The following CFAP61 variants were observed in gnomAD, a reference collection of about 807,000 sequenced individuals.
The protein encoded by CFAP61 is cilia and flagella associated protein 61, also known as cilia- and flagella-associated protein 61.
A neutral mutation model predicts 135.6 loss-of-function variants in CFAP61; 107 were observed. That is an observed-to-expected ratio of 0.79 (90% CI 0.67 to 0.93). The LOEUF (loss-of-function observed/expected upper bound fraction) is 0.93. Ranked by LOEUF, CFAP61 falls within the 40% of genes least tolerant of loss-of-function variation. CFAP61 has a pLI of 0.00. For missense variants in CFAP61, 1,507 were observed against 1,556.2 expected (o/e 0.97, Z 0.53); for synonymous variants, 575 against 578.5 (o/e 0.99, Z 0.09).
At chr20:20,232,067 A>G (rs1456259636) in intron 18 of CFAP61, among the ~76,000 whole-genome samples, 2 of 151,792 alleles carry the variant, frequency 1.3e-5, no homozygotes, top group African/African-American at 4.8e-5. Flanking sequence ...AAGCAGAAAG[A>G]GCTTGGCCTC....
At chr20:20,240,201 G>A (rs1344629050) in intron 18 of CFAP61, among the ~76,000 whole-genome samples, 2 of 152,206 alleles carry the variant, frequency 1.3e-5, no homozygotes, top group Non-Finnish European at 2.9e-5. Context: ...AATCACTGTA[G>A]TATAGTACAT....
At chr20:20,057,272 A>G (rs563640080) in intron 2 of CFAP61, among the ~76,000 whole-genome samples, 1 of 152,172 alleles carries the variant, frequency 6.6e-6, no homozygotes. Context: ...GGGAACAACA[A>G]ATTCCTATTT....
In CFAP61 at chr20:20,070,925, A is replaced by C. The variant is rs555640095; in HGVS notation, c.215A>C (p.Asp72Ala). The C allele has an allele frequency of 6.2e-7, 1 of 1,614,120 alleles. No homozygotes were observed. Among genetic ancestry groups the C allele is most frequent in the East Asian group, 2.2e-5 (1 of 44,868 alleles). ...EEIMAQATFL[D>A]YPNWNVAKQD... is the part of the protein sequence containing the mutation. ...ATCATGGCCCAGGCCACCTTCCTGG[A>C]CTACCCCAACTGGAATGTTGCCAAG... The change falls in exon 3 of 27, where the codon GAC (aspartate) becomes GCC (alanine). Residue 72 changes from aspartate to alanine, a missense_variant. Transcript: ENST00000245957.
chr20:20,196,834 G>A (rs2056327277), intron 16 of CFAP61, 58 bp downstream of exon 16: 1 of 1,393,232 alleles, frequency 7.2e-7, no homozygotes, highest in Non-Finnish European at 1.0e-6. Context: ...TGTTGTTGGT[G>A]TTGTACGCCG....
At chr20:20,278,937 G>A (rs1014222094) in intron 22 of CFAP61, among the ~76,000 whole-genome samples, 4 of 152,288 alleles carry the variant, frequency 2.6e-5, no homozygotes, top group African/African-American at 9.6e-5. Flanking sequence ...GACAGGACAA[G>A]TCCACTTTAT....
chr20:20,186,272 A>G (rs1231161254), intron 13 of CFAP61, among the ~76,000 whole-genome samples: 2 of 152,210 alleles, frequency 1.3e-5, no homozygotes, highest in Admixed American at 6.5e-5. Flanking sequence ...GAATTACACA[A>G]CACGTGGCCT....
chr20:20,129,215 T>C (rs2050314953), intron 8 of CFAP61, among the ~76,000 whole-genome samples: 1 of 151,836 alleles, frequency 6.6e-6, no homozygotes, highest in Admixed American at 6.5e-5. Flanking sequence ...TTCTTTCAGA[T>C]TGAAGAACTC....
At chr20:20,118,253 GTTTC>G (rs148875515) in intron 8 of CFAP61, among the ~76,000 whole-genome samples, 11,258 of 138,342 alleles carry the variant, frequency 0.081, 545 homozygotes, top group African/African-American at 0.12. Flanking sequence ...TTTGAGGTAT[GTTTC>G]TTTCTTTCTT....
At chr20:20,252,735 C>T (rs754256845) in intron 20 of CFAP61, among the ~76,000 whole-genome samples, 5 of 152,206 alleles carry the variant, frequency 3.3e-5, no homozygotes, top group Non-Finnish European at 7.3e-5. Flanking sequence ...TTTTCCTTCA[C>T]GTCGCCAAGC....
rs577753941 is a variant in CFAP61, at chr20:20,119,321, A to G, written c.859+20507A>G. On this transcript the variant is annotated intron_variant, in intron 8 of 26. Transcript: ENST00000245957. ...CATTATTGGTTTGTTGAAGTTTTCT[A>G]TTTCTTTGTTGTTCAATCTTGGTAG... is the stretch of plus-strand genomic sequence containing the variant. 3.2e-4 allele frequency among the ~76,000 whole-genome samples: 48 copies of G among 151,998 alleles called. 1 individual carries two copies. Among genetic ancestry groups the G allele is most frequent in the Admixed American group, 2.8e-3 (43 of 15,274 alleles).
chr20:20,337,358 A>G (rs999500619), intron 25 of CFAP61, among the ~76,000 whole-genome samples: 10 of 42,870 alleles, frequency 2.3e-4, no homozygotes, highest in African/African-American at 8.0e-4. Flanking sequence ...GGGTGGGTGG[A>G]TGGATGGATG....
At chr20:20,176,153 A>G (rs1347144173) in intron 13 of CFAP61, among the ~76,000 whole-genome samples, 1 of 151,928 alleles carries the variant, frequency 6.6e-6, no homozygotes, top group Admixed American at 6.6e-5. Context: ...CCACAAAGAA[A>G]TAGCATCTCA....
At chr20:20,137,325 C>T (rs756547059) in intron 8 of CFAP61, among the ~76,000 whole-genome samples, 5 of 152,194 alleles carry the variant, frequency 3.3e-5, no homozygotes, top group Non-Finnish European at 5.9e-5. Context: ...CTATGTCCTT[C>T]CCTTAAGGGC....
At chr20:20,265,154 G>A (rs977224950) in intron 21 of CFAP61, among the ~76,000 whole-genome samples, 1 of 152,184 alleles carries the variant, frequency 6.6e-6, no homozygotes, top group African/African-American at 2.4e-5. Context: ...AAGCAGAAAA[G>A]CCAGTGGTTC....
At chr20:20,277,593 T>A in intron 22 of CFAP61, 135 bp downstream of exon 22, 1 of 918,208 alleles carries the variant, frequency 1.1e-6, no homozygotes, top group Non-Finnish European at 1.6e-6. Context: ...GTGTTCAGAT[T>A]ACCTCTTGCT....
intron 17 of CFAP61, among the ~76,000 whole-genome samples, chr20:20,227,852 G>C (rs546594659): frequency 6.6e-6 from 1 of 152,316 alleles, no homozygotes; most frequent in South Asian, 2.1e-4. Flanking sequence ...CAAGGTTTCA[G>C]GGAAACTGTG....
chr20:20,291,749 A>G (rs901114090), intron 24 of CFAP61, among the ~76,000 whole-genome samples: 2 of 152,184 alleles, frequency 1.3e-5, no homozygotes, highest in Non-Finnish European at 2.9e-5. Flanking sequence ...CTGCTGTTTA[A>G]AGGACACAGG....
intron 13 of CFAP61, among the ~76,000 whole-genome samples, chr20:20,176,964 A>ATTATT (rs915587504): frequency 2.6e-5 from 4 of 151,954 alleles, no homozygotes; most frequent in Non-Finnish European, 5.9e-5. Context: ...TTCACTTTTT[A>ATTATT]TTATTTTATT....
intron 21 of CFAP61, among the ~76,000 whole-genome samples, chr20:20,267,153 C>T (rs374897973): frequency 5.8e-4 from 88 of 152,112 alleles, no homozygotes; most frequent in African/African-American, 2.0e-3. Context: ...AAGGCCTCCC[C>T]GAGAAAGGAG....
Sources: gnomAD v4.1 joint callset for allele counts (sites outside exome capture counted in the v4.1 genomes callset) on GRCh38, gnomAD v4.1.1 for gene constraint, MANE v1.5 for transcripts, NCBI Gene and HGNC (gene_info 2026-07-23, HGNC 2026-07-21) for gene names.